Variants in PNKD observed in about 807,000 individuals in gnomAD.
PNKD encodes the protein probable thioesterase PNKD.
PNKD carries 36 observed loss-of-function variants against 45.3 expected under a neutral mutation model. That is an observed-to-expected ratio of 0.80 (90% CI 0.61 to 1.05). PNKD has a LOEUF of 1.05. PNKD is among the 50% of genes least tolerant of loss of function. PNKD has a pLI of 0.00. For missense variants in PNKD, 511 were observed against 506.6 expected, an observed-to-expected ratio of 1.01 and a Z score of -0.08; for synonymous variants, 197 against 210.1, an observed-to-expected ratio of 0.94 and a Z score of 0.54.
intron 2 of PNKD, chr2:218,275,649 G>C: frequency 6.3e-7 from 1 of 1,599,048 alleles, no homozygotes; most frequent in South Asian, 1.1e-5. Flanking sequence ...CCAGAAGTGA[G>C]AACTCAGGCA....
chr2:218,281,951 G>A, intron 2 of PNKD: 1 of 1,598,220 alleles, frequency 6.3e-7, no homozygotes, highest in Non-Finnish European at 8.5e-7. Context: ...GTAGTTCATG[G>A]GCATCGGGTG....
intron 2 of PNKD, among the ~76,000 whole-genome samples, chr2:218,334,110 G>C (rs1166430451): frequency 6.6e-6 from 1 of 151,286 alleles, no homozygotes; most frequent in Non-Finnish European, 1.5e-5. Context: ...GCAAGTCTCA[G>C]TCTAAAAACA....
rs1345229170 is a variant in PNKD at position 218,272,689 on chromosome 2, A to G, written c.236+1140A>G. ...ATGCGGTTGTCCAACACGGGCGAGT[A>G]TGAGAGCCAGAGGTTCAGGGCTTCC... On this transcript the variant is annotated intron_variant, in intron 2 of 9. Coordinates refer to ENST00000273077, the MANE Select transcript of PNKD (RefSeq NM_015488.5). 4 of 1,614,102 alleles carry G rather than the reference A, an allele frequency of 2.5e-6. 1 individual carries two copies. Among genetic ancestry groups the G allele is most frequent in the African/African-American group, 1.3e-5 (1 of 74,930 alleles).
chr2:218,315,333 G>A (rs922399995), intron 2 of PNKD, among the ~76,000 whole-genome samples: 1 of 151,660 alleles, frequency 6.6e-6, no homozygotes, highest in African/African-American at 2.4e-5. Context: ...GTAGAGACGG[G>A]GTTTCACCAT....
chr2:218,323,504 G>C, intron 2 of PNKD: 2 of 1,352,078 alleles, frequency 1.5e-6, no homozygotes, highest in South Asian at 1.5e-5. Context: ...GGAGGCGGGG[G>C]CTGGAGCTGG....
intron 2 of PNKD, among the ~76,000 whole-genome samples, chr2:218,339,344 G>C (rs1451037773): frequency 6.6e-6 from 1 of 151,874 alleles, no homozygotes; most frequent in East Asian, 1.9e-4. Flanking sequence ...TCCTGCCTCA[G>C]CCTCCTGAGT....
At chr2:218,325,367 C>A (rs1694121757) in intron 2 of PNKD, among the ~76,000 whole-genome samples, 1 of 150,450 alleles carries the variant, frequency 6.6e-6, no homozygotes, top group African/African-American at 2.5e-5. Context: ...GCTACCATAC[C>A]CAGCTAATTT....
chr2:218,302,242 G>T (rs1250216223), intron 2 of PNKD, among the ~76,000 whole-genome samples: 1 of 152,150 alleles, frequency 6.6e-6, no homozygotes, highest in Non-Finnish European at 1.5e-5. Flanking sequence ...CAGCTACTCG[G>T]GAGGCTGAGG....
At chr2:218,322,221 C>T (rs1330532675) in intron 2 of PNKD, among the ~76,000 whole-genome samples, 1 of 152,204 alleles carries the variant, frequency 6.6e-6, no homozygotes, top group Non-Finnish European at 1.5e-5. Flanking sequence ...CGCGCCTGGC[C>T]GAGCTTGACT....
intron 2 of PNKD, chr2:218,334,901 G>A: frequency 1.7e-6 from 1 of 605,794 alleles, no homozygotes; most frequent in Non-Finnish European, 2.9e-6. Context: ...ATTTGACTGG[G>A]GTCTCCAGGT....
Position 218,344,790 on chromosome 2 carries a change from G to A in PNKD, c.985-18G>A. On this transcript the variant is annotated intron_variant, in intron 9 of 9. Transcript: ENST00000273077. ...TTCCCAGCTTCTCTCCACCAAACCTGGTTCCTCTCACCCACAGTGCCCATC... is the reference window on the plus strand; with the variant it reads ...TTCCCAGCTTCTCTCCACCAAACCTAGTTCCTCTCACCCACAGTGCCCATC... 1 of 1,613,064 alleles carries A rather than the reference G, an allele frequency of 6.2e-7. No homozygotes were observed. Among genetic ancestry groups the A allele is most frequent in the Admixed American group, 1.7e-5 (1 of 60,004 alleles).
intron 2 of PNKD, among the ~76,000 whole-genome samples, chr2:218,299,928 G>A (rs1478511573): frequency 6.6e-6 from 1 of 151,066 alleles, no homozygotes; most frequent in Non-Finnish European, 1.5e-5. Flanking sequence ...GCTAATTTTT[G>A]TAATTTTTTG....
In PNKD at chr2:218,326,500, T is replaced by C. The variant is rs1694158357; in HGVS notation, c.237-13283T>C. ...TTGAACAAATAACTTCTCTGTGCCT[T>C]AGTTGTTTGCATCTATAAAGTGGGG... On this transcript the variant is annotated intron_variant, in intron 2 of 9. Coordinates refer to ENST00000273077, the MANE Select transcript of PNKD (RefSeq NM_015488.5). The surrounding 1 kb of genome is among the most constrained non-coding windows in gnomAD (Gnocchi z 4.1). 6.6e-6 allele frequency among the ~76,000 whole-genome samples: 1 copy of C among 152,144 alleles called. No homozygotes were observed. The highest frequency in any genetic ancestry group is 2.1e-4 in the South Asian group (1 of 4,828).
chr2:218,293,982 C>T (rs1693072966), intron 2 of PNKD, among the ~76,000 whole-genome samples: 1 of 148,512 alleles, frequency 6.7e-6, no homozygotes, highest in African/African-American at 2.5e-5. Flanking sequence ...CCCATACACA[C>T]ACTATGTATG....
At chr2:218,296,241 T>C (rs1322799419) in intron 2 of PNKD, among the ~76,000 whole-genome samples, 1 of 152,238 alleles carries the variant, frequency 6.6e-6, no homozygotes, top group Non-Finnish European at 1.5e-5. Context: ...TTATCTGAAA[T>C]TCACATTTAA....
At chr2:218,314,777 C>T (rs774200856) in intron 2 of PNKD, among the ~76,000 whole-genome samples, 5 of 152,060 alleles carry the variant, frequency 3.3e-5, no homozygotes, top group Admixed American at 6.5e-5. Flanking sequence ...GGAACCTCCA[C>T]CTCCTGGGTT....
intron 2 of PNKD, among the ~76,000 whole-genome samples, chr2:218,312,670 C>T (rs1461991696): frequency 1.3e-5 from 2 of 151,754 alleles, no homozygotes; most frequent in Non-Finnish European, 2.9e-5. Flanking sequence ...CTCAGAAGTT[C>T]GAGACCAGCC....
intron 2 of PNKD, among the ~76,000 whole-genome samples, chr2:218,322,985 G>C (rs1694030374): frequency 6.6e-6 from 1 of 152,124 alleles, no homozygotes; most frequent in South Asian, 2.1e-4. Context: ...GGGCTCAGGC[G>C]ACTGTGGACC....
intron 6 of PNKD, 119 bp downstream of exon 6, chr2:218,341,745 CCCAATCCCAG>C (rs1694683597): frequency 4.8e-6 from 4 of 841,066 alleles, no homozygotes; most frequent in Middle Eastern, 2.2e-4. Context: ...CCCTTCCTGG[CCCAATCCCAG>C]CCTATCTGAA....
Sources: gnomAD v4.1 joint callset for allele counts (sites outside exome capture counted in the v4.1 genomes callset) on GRCh38, gnomAD v4.1.1 for gene constraint, Gnocchi (gnomAD v3.1) non-coding constraint, MANE v1.5 for transcripts, NCBI Gene and HGNC (gene_info 2026-07-23, HGNC 2026-07-21) for gene names.